Variants in ANXA13 observed in about 807,000 individuals in gnomAD.
The protein encoded by ANXA13 is annexin A13.
A neutral mutation model predicts 46.6 loss-of-function variants in ANXA13; 36 were observed. The observed-to-expected ratio is 0.77, with a 90% CI of 0.59 to 1.02. ANXA13 has a LOEUF of 1.02. ANXA13 is among the 50% of genes least tolerant of loss of function. The pLI is 0.00. For missense variants in ANXA13, 417 were observed against 396.5 expected (o/e 1.05, Z -0.44); for synonymous variants, 163 against 152.9 (o/e 1.07, Z -0.49).
chr8:123,700,615 C>T (rs2129864203), intron 3 of ANXA13, among the ~76,000 whole-genome samples: 1 of 152,298 alleles, frequency 6.6e-6, no homozygotes, highest in Admixed American at 6.5e-5. Context: ...TAAGTTTTAA[C>T]AGGGCCCCTA....
At position 123,681,362 on chromosome 8, in the gene ANXA13, G is replaced by A; in HGVS notation, c.832-3C>T. 6.2e-7 allele frequency: 1 copy of A among 1,611,920 alleles called. No homozygotes were observed. Among genetic ancestry groups the A allele is most frequent in the Non-Finnish European group, 8.5e-7 (1 of 1,179,156 alleles). On this transcript the variant is annotated splice_region_variant and splice_polypyrimidine_tract_variant and intron_variant, in intron 10 of 10. Coordinates refer to ENST00000419625, the MANE Select transcript of ANXA13 (RefSeq NM_004306.4). ...GCTTTGATCCCCTGAAGGTCCACCTGTAGAAAAAATAACAGCAATGGAGAT... is the reference window on the plus strand; with the variant it reads ...GCTTTGATCCCCTGAAGGTCCACCTATAGAAAAAATAACAGCAATGGAGAT...
At chr8:123,716,203 A>G (rs1435317763) in intron 1 of ANXA13, among the ~76,000 whole-genome samples, 1 of 152,128 alleles carries the variant, frequency 6.6e-6, no homozygotes, top group African/African-American at 2.4e-5. Context: ...CTCCTGCCTC[A>G]GCCACCCAAG....
chr8:123,696,964 C>T (rs1432319046), intron 4 of ANXA13, among the ~76,000 whole-genome samples: 1 of 152,222 alleles, frequency 6.6e-6, no homozygotes, highest in Non-Finnish European at 1.5e-5. Context: ...GGCTGGAGTG[C>T]AGTGGCACAA....
At chr8:123,692,089 A>G (rs1586314971) in intron 8 of ANXA13, among the ~76,000 whole-genome samples, 1 of 152,356 alleles carries the variant, frequency 6.6e-6, no homozygotes, top group East Asian at 1.9e-4. Flanking sequence ...CAGTCATGAT[A>G]AAATTCCAAA....
intron 4 of ANXA13, among the ~76,000 whole-genome samples, chr8:123,697,058 T>C (rs1813352913): frequency 6.6e-6 from 1 of 152,160 alleles, no homozygotes; most frequent in Non-Finnish European, 1.5e-5. Context: ...TACAGATGCA[T>C]GGCGCCACAC....
At chr8:123,699,226 C>T (rs1276360491) in intron 3 of ANXA13, among the ~76,000 whole-genome samples, 1 of 152,166 alleles carries the variant, frequency 6.6e-6, no homozygotes, top group Non-Finnish European at 1.5e-5. Context: ...GTCACCCAGG[C>T]TGGAGTGCAG....
chr8:123,698,841 G>A (rs1813393217), intron 3 of ANXA13, among the ~76,000 whole-genome samples: 1 of 152,206 alleles, frequency 6.6e-6, no homozygotes, highest in Admixed American at 6.5e-5. Context: ...AGAGCTCAGA[G>A]AGCTTTTTCA....
intron 3 of ANXA13, among the ~76,000 whole-genome samples, chr8:123,698,848 T>G (rs1813393419): frequency 6.6e-6 from 1 of 152,210 alleles, no homozygotes. Flanking sequence ...AGAGAGCTTT[T>G]TCAGCCAGTC....
rs2294015 is a variant in ANXA13 at position 123,684,627 on chromosome 8, C to T, written c.814G>A (p.Val272Ile). 0.6 allele frequency: 974,353 copies of T among 1,612,152 alleles called. 299,530 individuals are homozygous for T. Among genetic ancestry groups the T allele is most frequent in the African/African-American group, 0.89 (66,391 of 74,972 alleles). ...TGTCTTACCTCGGCCCTGGTCACGA[C>T]TATGCGAATCAACGTCTCCTCATCG... ...GTDEETLIRIVVTRAEVDLQG... is the reference protein window; with the variant it reads ...GTDEETLIRIIVTRAEVDLQG... The change falls in exon 10 of 11, where the codon GTC becomes ATC. Residue 272 changes from valine (V) to isoleucine (I), a missense_variant. By Grantham distance (29) the Val-to-Ile change is conservative. Coordinates refer to ENST00000419625, the MANE Select transcript of ANXA13 (RefSeq NM_004306.4).
intron 1 of ANXA13, among the ~76,000 whole-genome samples, chr8:123,720,880 C>G (rs1223756755): frequency 6.6e-6 from 1 of 152,132 alleles, no homozygotes; most frequent in Non-Finnish European, 1.5e-5. Flanking sequence ...GGATTACAGG[C>G]ATGAGCCACT....
Position 123,698,399 on chromosome 8 carries a change from C to G in ANXA13, c.347G>C (p.Arg116Thr). 6.2e-7 allele frequency: 1 copy of G among 1,614,070 alleles called. No individual in the cohort carries two copies. Among genetic ancestry groups the G allele is most frequent in the Non-Finnish European group, 8.5e-7 (1 of 1,179,980 alleles). Reference protein sequence around the residue: ...ESVLIEVLCTRTNKEIIAIKE... With the variant: ...ESVLIEVLCTTTNKEIIAIKE... ...TCAGCTGGGACTGACCTTATTGGTCCTCGTGCACAGGACCTCAATGAGGAC... is the reference window on the plus strand; with the variant it reads ...TCAGCTGGGACTGACCTTATTGGTCGTCGTGCACAGGACCTCAATGAGGAC... Residue 116 changes from arginine to threonine, a missense_variant, in exon 4 of 11, where the codon AGG becomes ACG. Coordinates refer to ENST00000419625, the MANE Select transcript of ANXA13 (RefSeq NM_004306.4).
chr8:123,710,928 A>G (rs538037641), intron 2 of ANXA13, among the ~76,000 whole-genome samples: 11 of 152,202 alleles, frequency 7.2e-5, no homozygotes, highest in African/African-American at 1.9e-4. Context: ...GTCTCCTTCA[A>G]TGATTTCACT....
At chr8:123,708,272 G>A (rs1274866011) in intron 2 of ANXA13, among the ~76,000 whole-genome samples, 1 of 152,218 alleles carries the variant, frequency 6.6e-6, no homozygotes, top group Admixed American at 6.5e-5. Flanking sequence ...TCAGCCTCAG[G>A]AAGTGCCTCC....
At position 123,684,725 on chromosome 8, in the gene ANXA13, G is replaced by C; in HGVS notation, c.719-3C>G. ...CTCACAATCCTGGGCACATCTCACTGGGCAGGACAAAGGAAAAGAGAATGT... is the reference window on the plus strand; with the variant it reads ...CTCACAATCCTGGGCACATCTCACTCGGCAGGACAAAGGAAAAGAGAATGT... On this transcript the variant is annotated splice_region_variant and splice_polypyrimidine_tract_variant and intron_variant, in intron 9 of 10. Transcript: ENST00000419625. The C allele has an allele frequency of 6.2e-7, 1 of 1,602,430 alleles. No individual in the cohort carries two copies. Among genetic ancestry groups the C allele is most frequent in the Non-Finnish European group, 8.6e-7 (1 of 1,169,356 alleles).
intron 2 of ANXA13, among the ~76,000 whole-genome samples, chr8:123,711,139 C>T (rs10089554): frequency 0.072 from 11,029 of 152,242 alleles, 424 homozygotes; most frequent in Non-Finnish European, 0.082. Context: ...TACTCAAGGG[C>T]TATTTCAAGC....
intron 8 of ANXA13, 58 bp downstream of exon 8, chr8:123,693,139 G>C: frequency 1.3e-6 from 2 of 1,486,138 alleles, no homozygotes; most frequent in South Asian, 1.2e-5. Context: ...GCTTCTTTTG[G>C]AAATAACTTA....
intron 4 of ANXA13, among the ~76,000 whole-genome samples, chr8:123,696,986 T>C (rs1286792335): frequency 6.6e-6 from 1 of 152,248 alleles, no homozygotes; most frequent in African/African-American, 2.4e-5. Context: ...CTTGGCTCAC[T>C]GCAACCTCCG....
intron 2 of ANXA13, among the ~76,000 whole-genome samples, chr8:123,711,036 G>T (rs1241015449): frequency 6.6e-6 from 1 of 152,066 alleles, no homozygotes; most frequent in Non-Finnish European, 1.5e-5. Context: ...ACAACCATGT[G>T]GGCTGGAGCC....
chr8:123,690,603 GT>G lies in ANXA13; in HGVS notation c.643-1658del, dbSNP rs1813216410. 6.6e-6 allele frequency among the ~76,000 whole-genome samples: 1 copy of G among 152,218 alleles called. No homozygotes were observed. ...TGTACTTTGGATACTTCTCACTTCA[GT>G]TACTGCAACGTGATTCTTAGGGGCT... is the stretch of plus-strand genomic sequence containing the variant. On this transcript the variant is annotated intron_variant, in intron 8 of 10. Coordinates refer to ENST00000419625, the MANE Select transcript of ANXA13 (RefSeq NM_004306.4). This position sits in a 1 kb window ranked among gnomAD's most constrained non-coding sequence, Gnocchi z 4.6.
Sources: gnomAD v4.1 joint callset for allele counts (sites outside exome capture counted in the v4.1 genomes callset) on GRCh38, gnomAD v4.1.1 for gene constraint, Gnocchi (gnomAD v3.1) non-coding constraint, MANE v1.5 for transcripts, NCBI Gene and HGNC (gene_info 2026-07-23, HGNC 2026-07-21) for gene names.